Variants in ROCK2 observed in about 807,000 individuals in gnomAD.
The protein encoded by ROCK2 is Rho associated coiled-coil containing protein kinase 2, also known as rho-associated protein kinase 2.
ROCK2 carries 61 observed loss-of-function variants against 195.1 expected under a neutral mutation model. The ratio of observed to expected loss-of-function variants is 0.31; its 90% CI spans 0.25 to 0.39. The LOEUF (loss-of-function observed/expected upper bound fraction) is 0.39, where lower values mean the gene tolerates loss of function less well. Among genes scored for constraint, ROCK2 ranks in the 10% least tolerant of loss-of-function variants. The pLI is 1.00. For synonymous variants in ROCK2, 504 were observed against 545.5 expected, an observed-to-expected ratio of 0.92 and a Z score of 1.06; for missense variants, 1,109 against 1,637.4, an observed-to-expected ratio of 0.68 and a Z score of 5.57.
intron 3 of ROCK2, among the ~76,000 whole-genome samples, chr2:11,283,629 A>G (rs1427093130): frequency 6.6e-6 from 1 of 151,462 alleles, no homozygotes; most frequent in African/African-American, 2.4e-5. Flanking sequence ...CAGATGGCAA[A>G]TAAGTATATG....
chr2:11,302,369 G>C (rs1339581713), intron 1 of ROCK2, among the ~76,000 whole-genome samples: 1 of 151,484 alleles, frequency 6.6e-6, no homozygotes, highest in Non-Finnish European at 1.5e-5. Flanking sequence ...GCCCAGGCTG[G>C]AGTGCAGTGG....
chr2:11,307,990 G>A, intron 1 of ROCK2: 17 of 1,503,588 alleles, frequency 1.1e-5, no homozygotes, highest in Non-Finnish European at 1.3e-5. Context: ...GCCTTGCTGG[G>A]GTAGGGGCAG....
intron 4 of ROCK2, among the ~76,000 whole-genome samples, chr2:11,242,572 A>T (rs1665464973): frequency 6.6e-6 from 1 of 152,200 alleles, no homozygotes; most frequent in Non-Finnish European, 1.5e-5. Context: ...AATCTTATCA[A>T]GTGCCACACT....
chr2:11,196,253 A>G (rs925104311), intron 27 of ROCK2, among the ~76,000 whole-genome samples: 10 of 152,182 alleles, frequency 6.6e-5, no homozygotes, highest in African/African-American at 2.4e-4. Flanking sequence ...ATCGGGCCAA[A>G]TTCTTTCATG....
intron 5 of ROCK2, among the ~76,000 whole-genome samples, chr2:11,232,460 T>TA (rs553206201): frequency 1.3e-5 from 2 of 152,312 alleles, no homozygotes; most frequent in Admixed American, 1.3e-4. Flanking sequence ...GGCTTTGGTA[T>TA]AGTAACAATA....
chr2:11,325,718 T>C (rs191778200), intron 1 of ROCK2, among the ~76,000 whole-genome samples: 43 of 152,284 alleles, frequency 2.8e-4, no homozygotes, highest in Non-Finnish European at 6.0e-4. Context: ...AATAACAGGG[T>C]AAGTTTACAT....
At chr2:11,300,813 T>A (rs913312757) in intron 1 of ROCK2, among the ~76,000 whole-genome samples, 1 of 152,054 alleles carries the variant, frequency 6.6e-6, no homozygotes, top group African/African-American at 2.4e-5. Flanking sequence ...CTAAGTTGAG[T>A]GGACCTACTC....
chr2:11,296,005 G>GGGGAGAGGGGGAGACA (rs766082679), intron 1 of ROCK2, among the ~76,000 whole-genome samples: 1 of 10,334 alleles, frequency 9.7e-5, no homozygotes, highest in South Asian at 6.6e-3. Flanking sequence ...GAGAGAGAGA[G>GGGGAGAGGGGGAGACA]GAGAGAGAGA....
chr2:11,238,874 T>C (rs960430148), intron 4 of ROCK2, among the ~76,000 whole-genome samples: 6 of 152,202 alleles, frequency 3.9e-5, no homozygotes, highest in Non-Finnish European at 8.8e-5. Context: ...CATAGATCGA[T>C]TGAACACAGT....
At chr2:11,232,727 A>C (rs953722196) in intron 5 of ROCK2, among the ~76,000 whole-genome samples, 2 of 152,202 alleles carry the variant, frequency 1.3e-5, no homozygotes, top group Non-Finnish European at 2.9e-5. Flanking sequence ...CAAACAAAGG[A>C]AGGCATAGAT....
intron 1 of ROCK2, among the ~76,000 whole-genome samples, chr2:11,303,272 T>C (rs543191873): frequency 6.6e-6 from 1 of 152,314 alleles, no homozygotes; most frequent in African/African-American, 2.4e-5. Context: ...AAAGTTATTT[T>C]TGTACACAGC....
At chr2:11,253,450 CAA>C (rs1329009057) in intron 3 of ROCK2, among the ~76,000 whole-genome samples, 2 of 152,212 alleles carry the variant, frequency 1.3e-5, no homozygotes, top group African/African-American at 4.8e-5. Context: ...TAAAACTCCT[CAA>C]AGAGGTCTTC....
intron 1 of ROCK2, among the ~76,000 whole-genome samples, chr2:11,321,904 C>CA (rs1213375421): frequency 1.3e-5 from 2 of 152,116 alleles, no homozygotes; most frequent in Admixed American, 1.3e-4. Context: ...CCCAGTACCT[C>CA]AAAATGTCAT....
chr2:11,285,841 A>G (rs113226345), intron 3 of ROCK2, among the ~76,000 whole-genome samples: 2,055 of 152,218 alleles, frequency 0.014, 41 homozygotes, highest in African/African-American at 0.047. Flanking sequence ...AGGAACAAAA[A>G]GAAACAAAAA....
chr2:11,288,702 C>T (rs1266906086), intron 1 of ROCK2, among the ~76,000 whole-genome samples: 5 of 139,946 alleles, frequency 3.6e-5, no homozygotes, highest in African/African-American at 1.2e-4. Flanking sequence ...TTGCAGAAAA[C>T]GAAACAGCAG....
intron 1 of ROCK2, among the ~76,000 whole-genome samples, chr2:11,294,910 C>G (rs1220489446): frequency 6.6e-6 from 1 of 152,082 alleles, no homozygotes; most frequent in Non-Finnish European, 1.5e-5. Context: ...GTCTCAGCCT[C>G]CAGAGGAGCT....
At position 11,180,288 on chromosome 2, in the gene ROCK2, T is replaced by C. The variant is rs981411645; in HGVS notation, c.*3149A>G. 4 of 152,228 alleles carry C rather than the reference T, an allele frequency of 2.6e-5. No individual in the cohort carries two copies. Among genetic ancestry groups the C allele is most frequent in the Admixed American group, 2.0e-4 (3 of 15,280 alleles). 9.4% of individuals were successfully genotyped at this position (152,228 alleles called of 1,614,324 possible). ...AGCATAACTTCTTAAAACTGTGGTG[T>C]GGCAACCTAGAGTATTTCTGTTTAA... On this transcript the variant is annotated 3_prime_UTR_variant, in exon 33 of 33. Coordinates refer to ENST00000315872, the MANE Select transcript of ROCK2 (RefSeq NM_004850.5).
intron 3 of ROCK2, among the ~76,000 whole-genome samples, chr2:11,266,125 A>G (rs1187121726): frequency 6.6e-6 from 1 of 152,244 alleles, no homozygotes; most frequent in Non-Finnish European, 1.5e-5. Context: ...AAAGGTTTTC[A>G]GGCGAAATAA....
intron 3 of ROCK2, among the ~76,000 whole-genome samples, chr2:11,265,965 T>C (rs1666399495): frequency 6.6e-6 from 1 of 151,932 alleles, no homozygotes; most frequent in African/African-American, 2.4e-5. Context: ...TAGCCATGTA[T>C]GGCGGTACAC....
Sources: allele counts gnomAD v4.1 joint callset (sites outside exome capture counted in the v4.1 genomes callset), GRCh38; gene constraint gnomAD v4.1.1; transcripts MANE v1.5; gene names NCBI Gene and HGNC (gene_info 2026-07-23, HGNC 2026-07-21).